Variants in KLHL35 observed in about 807,000 individuals in gnomAD.
KLHL35 encodes the protein kelch-like protein 35.
In KLHL35, 50 loss-of-function variants were observed where a neutral mutation model predicts 44.0. That is an observed-to-expected ratio of 1.14 (90% CI 0.91 to 1.44). KLHL35 has a LOEUF of 1.44. Ranked by LOEUF, KLHL35 falls within the 40% of genes most tolerant of loss-of-function variation. The probability of loss-of-function intolerance (pLI) is 0.00; values close to 1 mark genes in which losing one functional copy is unlikely to be tolerated. For synonymous variants in KLHL35, 470 were observed against 410.4 expected (o/e 1.15, Z -1.76); for missense variants, 1,049 against 887.8 (o/e 1.18, Z -2.31).
chr11:75,430,407 G>T lies in KLHL35; in HGVS notation c.223C>A (p.Pro75Thr), dbSNP rs1318317671. The part of the protein sequence containing the change: ...YFRSLFAAGR[P>T]ERGPAVVPVV... ...GGCACCACGGCCGGGCCGCGCTCGGGCCGCCCGGCCGCGAACAAGCTGCGG... is the reference window on the plus strand; with the variant it reads ...GGCACCACGGCCGGGCCGCGCTCGGTCCGCCCGGCCGCGAACAAGCTGCGG... Residue 75 changes from proline (P) to threonine (T), a missense_variant, in exon 2 of 7, where the codon CCC becomes ACC. By Grantham distance (38) the Pro-to-Thr change is conservative. Coordinates refer to ENST00000539798, the MANE Select transcript of KLHL35 (RefSeq NM_001039548.3). 5.9e-6 allele frequency: 8 copies of T among 1,359,794 alleles called. No homozygotes were observed. In the Admixed American group the frequency reaches 2.1e-4, roughly 36 times the overall value. 84.2% of individuals were successfully genotyped at this position (1,359,794 alleles called of 1,614,324 possible).
In KLHL35 at chr11:75,430,256, G is replaced by A; in HGVS notation, c.374C>T (p.Ala125Val). ...VRLRAEDEAA[A>V]VLALAERLGV... Reference sequence around the variant, plus strand: ...CAGCCGCTCCGCCAGCGCCAGCACGGCCGCCGCCTCGTCCTCCGCGCGCAG... The same window carrying A: ...CAGCCGCTCCGCCAGCGCCAGCACGACCGCCGCCTCGTCCTCCGCGCGCAG... The change falls in exon 2 of 7, where the codon GCC (alanine) becomes GTC (valine). Residue 125 changes from alanine to valine, a missense_variant. Transcript: ENST00000539798. 9.1e-6 allele frequency: 11 copies of A among 1,208,464 alleles called. No individual in the cohort carries two copies. Among genetic ancestry groups the A allele is most frequent in the Non-Finnish European group, 1.1e-5 (11 of 973,342 alleles). The allele number at this position is 1,208,464 out of a possible 1,614,324, so 74.9% of individuals were successfully genotyped here.
rs1297602227 is a variant in KLHL35 at position 75,430,132 on chromosome 11, C to G, written c.498G>C (p.Ser166=). ...CGCAGCGCTCGGCCAGCGGGGCCAG[C>G]GAGAAGGCGGCGGCCACGCGGCGCA... ...LALRRVAAAF[S]LAPLAERCGR... Residue 166 remains serine (S), a synonymous_variant, in exon 2 of 7, where the codon TCG becomes TCC. Transcript: ENST00000539798. 1.6e-6 allele frequency: 2 copies of G among 1,262,220 alleles called. No homozygotes were observed. The highest frequency in any genetic ancestry group is 5.3e-5 in the South Asian group (2 of 38,004). The allele number at this position is 1,262,220 out of a possible 1,614,324, so 78.2% of individuals were successfully genotyped here.
At chr11:75,426,893 C>T in intron 3 of KLHL35, 3 of 363,174 alleles carry the variant, frequency 8.3e-6, no homozygotes, top group Non-Finnish European at 1.0e-5. Context: ...CGCCGGGCAC[C>T]TTGTGGTGGT....
In KLHL35 at chr11:75,430,391, G is replaced by C; in HGVS notation, c.239C>G (p.Ala80Gly). 7.3e-7 allele frequency: 1 copy of C among 1,367,346 alleles called. No individual in the cohort carries two copies. Among genetic ancestry groups the C allele is most frequent in the Non-Finnish European group, 9.5e-7 (1 of 1,057,608 alleles). The allele number at this position is 1,367,346 out of a possible 1,614,324, so 84.7% of individuals were successfully genotyped here. A position where few individuals can be genotyped will look rare whatever the true frequency, so the allele number is the denominator to read the frequency against. The change falls in exon 2 of 7, where the codon GCC becomes GGC. Residue 80 changes from alanine to glycine, a missense_variant. Ala to Gly is a moderately conservative substitution (Grantham distance 60). Coordinates refer to ENST00000539798, the MANE Select transcript of KLHL35 (RefSeq NM_001039548.3). ...FAAGRPERGP[A>G]VVPVVPVAPE... ...AGCTACTGGCACCACTGGCACCACG[G>C]CCGGGCCGCGCTCGGGCCGCCCGGC...
chr11:75,422,804 A>T, intron 6 of KLHL35, 36 bp from the exon 7 acceptor site: 2 of 1,591,282 alleles, frequency 1.3e-6, no homozygotes, highest in Non-Finnish European at 1.7e-6. Context: ...TATCAGGTCC[A>T]GCCTGGGGCT....
intron 5 of KLHL35, among the ~76,000 whole-genome samples, 166 bp downstream of exon 5, chr11:75,425,227 T>A (rs533647060): frequency 5.3e-5 from 8 of 152,360 alleles, no homozygotes; most frequent in Middle Eastern, 3.4e-3. Flanking sequence ...CTTGGGGTCA[T>A]TTTTCTGCTC....
chr11:75,423,922 C>T (rs1054316618), intron 5 of KLHL35, 42 bp from the exon 6 acceptor site: 1 of 1,466,140 alleles, frequency 6.8e-7, no homozygotes, highest in African/African-American at 1.4e-5. Context: ...CACCGCCCCC[C>T]CCAACAAATG....
intron 1 of KLHL35, 54 bp from the exon 2 acceptor site, chr11:75,430,684 G>A (rs1948529948): frequency 1.6e-6 from 2 of 1,280,560 alleles, no homozygotes; most frequent in Admixed American, 4.1e-5. Flanking sequence ...CTGCGCCCGG[G>A]AGAGGCGACA....
intron 4 of KLHL35, chr11:75,425,991 T>C (rs1487837435): frequency 6.1e-6 from 1 of 163,026 alleles, no homozygotes; most frequent in Admixed American, 6.3e-5. Context: ...AGTCTCGCTC[T>C]GTTGCCCAGG....
In KLHL35 at chr11:75,430,128, CCAGCGAGAA is replaced by C. The variant is rs1948522386; in HGVS notation, c.493_501del (p.Phe165_Leu167del). 7.9e-7 allele frequency: 1 copy of C among 1,265,854 alleles called. No homozygotes were observed. The highest frequency in any genetic ancestry group is 9.9e-7 in the Non-Finnish European group (1 of 1,009,760). The allele number at this position is 1,265,854 out of a possible 1,614,324, so 78.4% of individuals were successfully genotyped here. On this transcript the variant is annotated inframe_deletion, in exon 2 of 7. Transcript: ENST00000539798. ...CGGCCGCAGCGCTCGGCCAGCGGGG[CCAGCGAGAA>C]GGCGGCGGCCACGCGGCGCAGCGCT...
At position 75,422,736 on chromosome 11, in the gene KLHL35, C is replaced by G; in HGVS notation, c.1596G>C (p.Lys532Asn). The change falls in exon 7 of 7, where the codon AAG becomes AAC. Residue 532 changes from lysine to asparagine, a missense_variant. By Grantham distance (94) the Lys-to-Asn change is moderately conservative (BLOSUM62 0). Coordinates refer to ENST00000539798, the MANE Select transcript of KLHL35 (RefSeq NM_001039548.3). ...ESCGVTVCDG[K>N]VHILGGRDDR... ...CATCCCGCCCGCCAAGGATGTGGACCTTCCCGTCACACACAGTGACTCCAC... is the reference window on the plus strand; with the variant it reads ...CATCCCGCCCGCCAAGGATGTGGACGTTCCCGTCACACACAGTGACTCCAC... The G allele has an allele frequency of 1.9e-6, 3 of 1,613,922 alleles. No individual in the cohort carries two copies. Among genetic ancestry groups the G allele is most frequent in the Non-Finnish European group, 2.5e-6 (3 of 1,179,808 alleles).
In KLHL35 at chr11:75,430,009, C is replaced by T; in HGVS notation, c.621G>A (p.Ala207=). 7.1e-7 allele frequency: 1 copy of T among 1,415,982 alleles called. No individual in the cohort carries two copies. The allele number at this position is 1,415,982 out of a possible 1,614,324, so 87.7% of individuals were successfully genotyped here. The change falls in exon 2 of 7, where the codon GCG becomes GCA. Residue 207 remains alanine (A), a synonymous_variant. Transcript: ENST00000539798. ...CGGCCTCCTCGCGCGCCACGCCCAG[C>T]GCGGGGTCCGCCAGCAGCGCCACCA... ...DEVVALLADP[A]LGVAREEAVF...
chr11:75,426,963 G>C (rs1423308684), intron 3 of KLHL35: 5 of 229,168 alleles, frequency 2.2e-5, no homozygotes, highest in Admixed American at 5.0e-5. Flanking sequence ...TGTACTAAAG[G>C]TAAGAGTACA....
intron 1 of KLHL35, among the ~76,000 whole-genome samples, chr11:75,431,708 C>T (rs1424548462): frequency 2.0e-5 from 3 of 152,184 alleles, no homozygotes; most frequent in Admixed American, 1.3e-4. Flanking sequence ...CTCACCTGCC[C>T]GCCCTGGCCT....
Position 75,430,581 on chromosome 11 carries a change from G to T in KLHL35, c.49C>A (p.Pro17Thr). Residue 17 changes from proline (P) to threonine (T), a missense_variant, in exon 2 of 7, where the codon CCG becomes ACG. Physicochemically the swap from Pro to Thr is conservative, Grantham distance 38. Transcript: ENST00000539798. ...TGCGCGTGGCACGGACCCGCGCACG[G>T]CGCTTCGCAGCCCGGCTCCGACTCC... is the stretch of plus-strand genomic sequence containing the variant. ...PEESEPGCEAPCAGPCHAQRV... is the reference protein window; with the variant it reads ...PEESEPGCEATCAGPCHAQRV... 6.9e-7 allele frequency: 1 copy of T among 1,445,456 alleles called. No homozygotes were observed. 89.5% of individuals were successfully genotyped at this position (1,445,456 alleles called of 1,614,324 possible).
chr11:75,425,599 G>A lies in KLHL35; in HGVS notation c.1186-18C>T, dbSNP rs900896962. ...GCGAACAGCTGCAAGTGAGGACATGGGCCGGGGAGCCGGGTGCCAGGGCCT... is the reference window on the plus strand; with the variant it reads ...GCGAACAGCTGCAAGTGAGGACATGAGCCGGGGAGCCGGGTGCCAGGGCCT... On this transcript the variant is annotated intron_variant, in intron 4 of 6. Coordinates refer to ENST00000539798, the MANE Select transcript of KLHL35 (RefSeq NM_001039548.3). 3 of 1,456,700 alleles carry A rather than the reference G, an allele frequency of 2.1e-6. No homozygotes were observed. Among genetic ancestry groups the A allele is most frequent in the South Asian group, 2.9e-5 (2 of 69,090 alleles). 90.2% of individuals were successfully genotyped at this position (1,456,700 alleles called of 1,614,324 possible).
rs1320081105 is a variant in KLHL35 at position 75,429,966 on chromosome 11, G to A, written c.664C>T (p.Arg222Cys). The change falls in exon 2 of 7, where the codon CGC (arginine) becomes TGC (cysteine). Residue 222 changes from arginine (R) to cysteine (C), a missense_variant. Arg to Cys is a radical substitution (Grantham distance 180, BLOSUM62 -3). Coordinates refer to ENST00000539798, the MANE Select transcript of KLHL35 (RefSeq NM_001039548.3). ...REEAVFEAAM[R>C]WVRHDAPARR... is the part of the protein sequence containing the mutation. ...GCCGGCGCGTCGTGGCGCACCCAGC[G>A]CATGGCCGCTTCAAACACGGCCTCC... 2 of 1,438,606 alleles carry A rather than the reference G, an allele frequency of 1.4e-6. No homozygotes were observed. The highest frequency in any genetic ancestry group is 1.5e-5 in the African/African-American group (1 of 67,060). 89.1% of individuals were successfully genotyped at this position (1,438,606 alleles called of 1,614,324 possible).
chr11:75,428,772 G>T, intron 2 of KLHL35, 146 bp from the exon 3 acceptor site: 1 of 618,084 alleles, frequency 1.6e-6, no homozygotes, highest in Non-Finnish European at 2.5e-6. Context: ...CCTCAATCCC[G>T]CTAGACCCTG....
intron 2 of KLHL35, among the ~76,000 whole-genome samples, chr11:75,429,347 C>T (rs1241415572): frequency 6.6e-6 from 1 of 152,210 alleles, no homozygotes; most frequent in Non-Finnish European, 1.5e-5. Flanking sequence ...CCAGAGCCTC[C>T]CAGTCTGGCT....
Sources: gnomAD v4.1 joint callset for allele counts (sites outside exome capture counted in the v4.1 genomes callset) on GRCh38, gnomAD v4.1.1 for gene constraint, MANE v1.5 for transcripts, NCBI Gene and HGNC (gene_info 2026-07-23, HGNC 2026-07-21) for gene names.